FOSL2: variants seen among roughly 807,000 people sequenced by gnomAD.
FOSL2 encodes the protein FOS like 2, AP-1 transcription factor subunit.
Under a neutral mutation model 27.7 loss-of-function variants are expected in FOSL2, and 3 were observed. The observed-to-expected ratio is 0.11, with a 90% CI of 0.05 to 0.28. FOSL2 has a LOEUF of 0.28. FOSL2 is among the 10% of genes least tolerant of loss of function. The probability of loss-of-function intolerance (pLI) is 1.00; values close to 1 mark genes in which losing one functional copy is unlikely to be tolerated. For synonymous variants in FOSL2, 179 were observed against 190.1 expected (o/e 0.94, Z 0.48); for missense variants, 333 against 445.1 (o/e 0.75, Z 2.27).
At position 28,393,483 on chromosome 2, in the gene FOSL2, C is replaced by A; in HGVS notation, c.-238C>A. 1 of 491,620 alleles carries A rather than the reference C, an allele frequency of 2.0e-6. No homozygotes were observed. Among genetic ancestry groups the A allele is most frequent in the Non-Finnish European group, 3.6e-6 (1 of 277,092 alleles). 30.5% of individuals were successfully genotyped at this position (491,620 alleles called of 1,614,324 possible). ...GGGAGGGATCGGGTGGACAACTGGT[C>A]CCGCGGCGCTCGCAGAGCCGGAAAG... On this transcript the variant is annotated 5_prime_UTR_variant, in exon 1 of 4. Transcript: ENST00000264716. This position sits in a 1 kb window ranked among gnomAD's most constrained non-coding sequence, Gnocchi z 4.6.
intron 2 of FOSL2, among the ~76,000 whole-genome samples, chr2:28,406,163 A>C (rs908452800): frequency 2.0e-5 from 3 of 151,518 alleles, no homozygotes; most frequent in Admixed American, 2.0e-4. Flanking sequence ...GGTTCAAGCA[A>C]TTCTCCTGCC....
At position 28,412,101 on chromosome 2, in the gene FOSL2, G is replaced by C. The variant is rs1664215295; in HGVS notation, c.634G>C (p.Gly212Arg). ...PAPGLQPMRS[G>R]GGSVGAVVVK... is the part of the protein sequence containing the mutation. ...CCCTGGGCTGCAGCCCATGCGCAGT[G>C]GGGGTGGCTCGGTGGGCGCTGTAGT... Residue 212 changes from glycine (G) to arginine (R), a missense_variant, in exon 4 of 4, where the codon GGG (glycine) becomes CGG (arginine). Coordinates refer to ENST00000264716, the MANE Select transcript of FOSL2 (RefSeq NM_005253.4). The surrounding 1 kb of genome is among the most constrained non-coding windows in gnomAD (Gnocchi z 7.1). 1 of 1,606,718 alleles carries C rather than the reference G, an allele frequency of 6.2e-7. No homozygotes were observed. Among genetic ancestry groups the C allele is most frequent in the Non-Finnish European group, 8.5e-7 (1 of 1,179,810 alleles).
At chr2:28,411,811 GGTTAGGTGT>G in intron 3 of FOSL2, 110 bp from the exon 4 acceptor site, 1 of 1,038,428 alleles carries the variant, frequency 9.6e-7, no homozygotes, top group Non-Finnish European at 1.5e-6. Flanking sequence ...CGGGGTCTGT[GGTTAGGTGT>G]GTGAGCCTCT....
At position 28,393,054 on chromosome 2, in the gene FOSL2, G is replaced by A; in HGVS notation, c.-667G>A. ...TCTGGGCGCCGGAGCGGGGAGCGGG[G>A]CCGCGTCCCTCTCAGCGCCAGCTCT... is the stretch of plus-strand genomic sequence containing the variant. On this transcript the variant is annotated 5_prime_UTR_variant, in exon 1 of 4. Coordinates refer to ENST00000264716, the MANE Select transcript of FOSL2 (RefSeq NM_005253.4). This position sits in a 1 kb window ranked among gnomAD's most constrained non-coding sequence, Gnocchi z 4.6. 1 of 509,412 alleles carries A rather than the reference G, an allele frequency of 2.0e-6. No homozygotes were observed. Among genetic ancestry groups the A allele is most frequent in the Admixed American group, 3.5e-5 (1 of 28,824 alleles). 31.6% of individuals were successfully genotyped at this position (509,412 alleles called of 1,614,324 possible).
Position 28,393,018 on chromosome 2 carries a change from AGGGGTGCGGGTCTGGGCGCCGGAGC to A in FOSL2, c.-698_-674del. ...CCCGTCCGGGAGCGGGCTCCGGGGA[AGGGGTGCGGGTCTGGGCGCCGGAGC>A]GGGGAGCGGGGCCGCGTCCCTCTCA... On this transcript the variant is annotated 5_prime_UTR_variant, in exon 1 of 4. Transcript: ENST00000264716. The surrounding 1 kb of genome is among the most constrained non-coding windows in gnomAD (Gnocchi z 4.6). 3.3e-6 allele frequency: 2 copies of A among 611,158 alleles called. No homozygotes were observed. Among genetic ancestry groups the A allele is most frequent in the Non-Finnish European group, 6.0e-6 (2 of 331,946 alleles). 37.9% of individuals were successfully genotyped at this position (611,158 alleles called of 1,614,324 possible).
intron 1 of FOSL2, among the ~76,000 whole-genome samples, chr2:28,400,409 C>A (rs572673173): frequency 6.6e-6 from 1 of 152,154 alleles, no homozygotes; most frequent in South Asian, 2.1e-4. Context: ...CTCTTCTCTC[C>A]TACCCCAGTG....
Position 28,392,963 on chromosome 2 carries a change from A to AGAGG in FOSL2, c.-754_-751dup, listed in dbSNP as rs1663706064. 1.2e-5 allele frequency: 8 copies of AGAGG among 671,356 alleles called. No homozygotes were observed. The South Asian group carries it at 1.2e-4, about 10-fold the overall frequency. The allele number at this position is 671,356 out of a possible 1,614,324, so 41.6% of individuals were successfully genotyped here. A position where few individuals can be genotyped will look rare whatever the true frequency, so the allele number is the denominator to read the frequency against. Reference sequence around the variant, plus strand: ...GAAAGAGGGAGAGAGAGAGAGAGAGAGAGGGAGAGGCGCGGCCGGGCGAGG... The same window carrying AGAGG: ...GAAAGAGGGAGAGAGAGAGAGAGAGAGAGGGAGGGAGAGGCGCGGCCGGGCGAGG... On this transcript the variant is annotated 5_prime_UTR_variant, in exon 1 of 4. Transcript: ENST00000264716.
Position 28,413,607 on chromosome 2 carries a change from G to A in FOSL2, c.*1159G>A, listed in dbSNP as rs952528470. On this transcript the variant is annotated 3_prime_UTR_variant, in exon 4 of 4. Transcript: ENST00000264716. The stretch of plus-strand genomic sequence containing the variant: ...GGCGGGAGGCCGTCACTGGAGTGGC[G>A]TCTGCAGCAGCTGCTGCCCCAGCAC... The A allele has an allele frequency of 1.5e-5, 6 of 398,704 alleles. No individual in the cohort carries two copies. The highest frequency in any genetic ancestry group is 2.2e-5 in the Non-Finnish European group (5 of 226,232). The allele number at this position is 398,704 out of a possible 1,614,324, so 24.7% of individuals were successfully genotyped here.
intron 1 of FOSL2, among the ~76,000 whole-genome samples, chr2:28,397,315 T>C (rs1663866909): frequency 6.6e-6 from 1 of 152,190 alleles, no homozygotes; most frequent in African/African-American, 2.4e-5. Context: ...TCCCAAGGCA[T>C]GTTTTCCTAT....
intron 2 of FOSL2, among the ~76,000 whole-genome samples, chr2:28,407,266 A>G (rs138336548): frequency 1.8e-4 from 27 of 152,354 alleles, no homozygotes; most frequent in African/African-American, 6.3e-4. Context: ...CAGCAGGGCC[A>G]TAAGGCTTTC....
At position 28,405,293 on chromosome 2, in the gene FOSL2, C is replaced by G. The variant is rs76078561; in HGVS notation, c.354+935C>G. ...GACATACCTGTGTGTGGCCACTCGGCCAGTGAGTGGGGAAGTCTGGGCTAG... is the reference window on the plus strand; with the variant it reads ...GACATACCTGTGTGTGGCCACTCGGGCAGTGAGTGGGGAAGTCTGGGCTAG... On this transcript the variant is annotated intron_variant, in intron 2 of 3. Coordinates refer to ENST00000264716, the MANE Select transcript of FOSL2 (RefSeq NM_005253.4). Among the ~76,000 whole-genome samples the G allele has an allele frequency of 7.6e-3, 1,160 of 152,322 alleles. 18 individuals are homozygous for G. The highest frequency in any genetic ancestry group is 0.051 in the East Asian group (263 of 5,176).
intron 3 of FOSL2, among the ~76,000 whole-genome samples, chr2:28,411,160 AAAAG>A (rs1664189839): frequency 1.3e-5 from 2 of 152,068 alleles, no homozygotes; most frequent in South Asian, 2.1e-4. Context: ...AAAAAAAAAA[AAAAG>A]AAAGAAATTG....
chr2:28,410,077 C>T (rs1270209347), intron 3 of FOSL2, among the ~76,000 whole-genome samples: 1 of 152,208 alleles, frequency 6.6e-6, no homozygotes, highest in Non-Finnish European at 1.5e-5. Context: ...CAGGTACCAT[C>T]CACCCACTTA....
chr2:28,398,895 C>A (rs1012080033), intron 1 of FOSL2, among the ~76,000 whole-genome samples: 11 of 152,166 alleles, frequency 7.2e-5, no homozygotes, highest in Admixed American at 6.5e-4. Flanking sequence ...GGGAACATCC[C>A]AGGTTCAGTA....
At position 28,415,770 on chromosome 2, in the gene FOSL2, C is replaced by T. The variant is rs780479024; in HGVS notation, c.*3322C>T. On this transcript the variant is annotated 3_prime_UTR_variant, in exon 4 of 4. Coordinates refer to ENST00000264716, the MANE Select transcript of FOSL2 (RefSeq NM_005253.4). ...GGATGAGACTAAGGGATGAGGACAT[C>T]TCTTTATAAAAGGCCCCTAAGTAAT... is the stretch of plus-strand genomic sequence containing the variant. 2.6e-5 allele frequency: 4 copies of T among 152,178 alleles called. No individual in the cohort carries two copies. Among genetic ancestry groups the T allele is most frequent in the Non-Finnish European group, 4.4e-5 (3 of 68,024 alleles). 9.4% of individuals were successfully genotyped at this position (152,178 alleles called of 1,614,324 possible). A position where few individuals can be genotyped will look rare whatever the true frequency, so the allele number is the denominator to read the frequency against.
chr2:28,403,623 C>A (rs565988288), intron 1 of FOSL2, among the ~76,000 whole-genome samples: 5 of 152,290 alleles, frequency 3.3e-5, no homozygotes, highest in Non-Finnish European at 7.4e-5. Flanking sequence ...CAGTATGCTC[C>A]CTTGGTGATC....
chr2:28,412,916 A>C lies in FOSL2; in HGVS notation c.*468A>C. 1 of 163,580 alleles carries C rather than the reference A, an allele frequency of 6.1e-6. No individual in the cohort carries two copies. The highest frequency in any genetic ancestry group is 1.3e-5 in the Non-Finnish European group (1 of 75,582). 10.1% of individuals were successfully genotyped at this position (163,580 alleles called of 1,614,324 possible). A position where few individuals can be genotyped will look rare whatever the true frequency, so the allele number is the denominator to read the frequency against. ...TTCACTCCCTCTTGGTTTTTATCAA[A>C]TTTGCCATGACATTTCATCTGGGTG... On this transcript the variant is annotated 3_prime_UTR_variant, in exon 4 of 4. Coordinates refer to ENST00000264716, the MANE Select transcript of FOSL2 (RefSeq NM_005253.4). The surrounding 1 kb of genome is among the most constrained non-coding windows in gnomAD (Gnocchi z 7.1).
chr2:28,408,442 C>T lies in FOSL2; in HGVS notation c.355-317C>T. On this transcript the variant is annotated intron_variant, in intron 2 of 3. Transcript: ENST00000264716. This position sits in a 1 kb window ranked among gnomAD's most constrained non-coding sequence, Gnocchi z 4.1. ...CTTCTCTCTGGCCTGAGCACTGAAT[C>T]AGGGCTGATGTGATAGGTGCTGCCA... is the stretch of plus-strand genomic sequence containing the variant. 6.6e-6 allele frequency among the ~76,000 whole-genome samples: 1 copy of T among 152,198 alleles called. No homozygotes were observed. The highest frequency in any genetic ancestry group is 1.9e-4 in the East Asian group (1 of 5,188).
chr2:28,405,190 C>T (rs1221262135), intron 2 of FOSL2, among the ~76,000 whole-genome samples: 1 of 152,126 alleles, frequency 6.6e-6, no homozygotes, highest in Non-Finnish European at 1.5e-5. Flanking sequence ...CAGAATCATG[C>T]ATAATTCCAG....
Sources: gnomAD v4.1 joint callset for allele counts (sites outside exome capture counted in the v4.1 genomes callset) on GRCh38, gnomAD v4.1.1 for gene constraint, Gnocchi (gnomAD v3.1) non-coding constraint, MANE v1.5 for transcripts, NCBI Gene and HGNC (gene_info 2026-07-23, HGNC 2026-07-21) for gene names.